The following CPQ variants were observed in gnomAD, a reference collection of about 807,000 sequenced individuals.
CPQ encodes the protein carboxypeptidase Q, also known as Ser-Met dipeptidase.
A neutral mutation model predicts 45.7 loss-of-function variants in CPQ; 37 were observed. The observed-to-expected ratio is 0.81, with a 90% CI of 0.62 to 1.07. The LOEUF (loss-of-function observed/expected upper bound fraction) is 1.07. CPQ is among the 50% of genes least tolerant of loss of function. CPQ has a pLI of 0.00. For synonymous variants in CPQ, 186 were observed against 205.8 expected, an observed-to-expected ratio of 0.90 and a Z score of 0.82; for missense variants, 537 against 572.9, an observed-to-expected ratio of 0.94 and a Z score of 0.64.
chr8:96,901,082 G>T (rs1812507602), intron 4 of CPQ, among the ~76,000 whole-genome samples: 1 of 152,126 alleles, frequency 6.6e-6, no homozygotes, highest in Admixed American at 6.6e-5. Flanking sequence ...CTCACAGAAG[G>T]CTCCAGTGTC....
intron 6 of CPQ, among the ~76,000 whole-genome samples, chr8:97,041,909 G>A (rs1314685326): frequency 6.6e-6 from 1 of 152,160 alleles, no homozygotes; most frequent in Non-Finnish European, 1.5e-5. Context: ...GAGGATTTTT[G>A]CATCAATGTT....
At chr8:96,962,292 G>GTAAC in intron 4 of CPQ, among the ~76,000 whole-genome samples, 1 of 152,296 alleles carries the variant, frequency 6.6e-6, no homozygotes. Flanking sequence ...TGTTTTCAGA[G>GTAAC]TAACTTTTTA....
intron 5 of CPQ, among the ~76,000 whole-genome samples, chr8:97,007,283 A>G (rs1809400326): frequency 1.3e-5 from 2 of 152,224 alleles, no homozygotes; most frequent in Non-Finnish European, 2.9e-5. Context: ...GTTTTAACAG[A>G]AGCTGTGCTT....
At chr8:96,776,177 A>G (rs993754301) in intron 1 of CPQ, among the ~76,000 whole-genome samples, 3 of 152,190 alleles carry the variant, frequency 2.0e-5, no homozygotes, top group Non-Finnish European at 2.9e-5. Flanking sequence ...AAAGGCAAAA[A>G]TCTTCCTTAA....
chr8:96,831,601 T>C (rs1448698930), intron 2 of CPQ, among the ~76,000 whole-genome samples: 4 of 152,198 alleles, frequency 2.6e-5, no homozygotes, highest in African/African-American at 9.6e-5. Context: ...TAAAATTTTC[T>C]AGGTGGTCTA....
chr8:96,680,452 T>A (rs1809134595), intron 1 of CPQ: 1 of 152,230 alleles, frequency 6.6e-6, no homozygotes, highest in Non-Finnish European at 1.5e-5. Flanking sequence ...GGAGTTTCCC[T>A]ACACAAGCTC....
At chr8:96,686,681 T>C (rs1466153391) in intron 1 of CPQ, among the ~76,000 whole-genome samples, 5 of 152,056 alleles carry the variant, frequency 3.3e-5, no homozygotes, top group Non-Finnish European at 7.4e-5. Context: ...CTTTTTATTG[T>C]GGATTTATAT....
intron 7 of CPQ, among the ~76,000 whole-genome samples, chr8:97,084,766 G>A (rs1480681721): frequency 6.6e-6 from 1 of 152,004 alleles, no homozygotes; most frequent in East Asian, 1.9e-4. Context: ...TTGTAAAGGA[G>A]CTAGTCATTC....
chr8:96,945,491 A>T (rs535502280), intron 4 of CPQ, among the ~76,000 whole-genome samples: 14 of 152,264 alleles, frequency 9.2e-5, no homozygotes. Flanking sequence ...ACTATATTTT[A>T]AAAATCTAAT....
chr8:96,665,212 G>C (rs924353426), intron 1 of CPQ, among the ~76,000 whole-genome samples: 1 of 152,082 alleles, frequency 6.6e-6, no homozygotes, highest in Non-Finnish European at 1.5e-5. Context: ...CAAAAGCAAG[G>C]GAGAAAAAGC....
intron 5 of CPQ, among the ~76,000 whole-genome samples, chr8:96,995,519 G>A (rs778347181): frequency 2.6e-5 from 4 of 151,900 alleles, no homozygotes; most frequent in Non-Finnish European, 5.9e-5. Flanking sequence ...AATTTAAGTG[G>A]GGGAAGTAAT....
intron 7 of CPQ, among the ~76,000 whole-genome samples, chr8:97,075,942 ATCATT>A (rs1171747668): frequency 5.9e-5 from 9 of 152,206 alleles, no homozygotes; most frequent in Non-Finnish European, 1.3e-4. Context: ...CCAAAATCAC[ATCATT>A]TCATTTATAA....
intron 4 of CPQ, among the ~76,000 whole-genome samples, chr8:96,935,973 A>T (rs1420779919): frequency 4.0e-5 from 6 of 151,798 alleles, no homozygotes; most frequent in African/African-American, 1.5e-4. Flanking sequence ...TGTATTGCTT[A>T]TCTTTCTCAT....
At chr8:97,052,815 T>A (rs1336851833) in intron 6 of CPQ, among the ~76,000 whole-genome samples, 1 of 152,146 alleles carries the variant, frequency 6.6e-6, no homozygotes, top group Non-Finnish European at 1.5e-5. Flanking sequence ...TATGGCCACT[T>A]CTTAAAAAAT....
In CPQ at chr8:96,886,004, A is replaced by G. The variant is rs141301281; in HGVS notation, c.849+5999A>G. ...AGAAAAAAAAAAGCCAATAATGAAA[A>G]TACTTTATTGGGTTTCACTTTGTGA... On this transcript the variant is annotated intron_variant, in intron 4 of 7. Transcript: ENST00000220763. Among the ~76,000 whole-genome samples, 145 of 152,224 alleles carry G rather than the reference A, an allele frequency of 9.5e-4. 1 individual carries two copies. The highest frequency in any genetic ancestry group is 3.3e-3 in the African/African-American group (138 of 41,518).
intron 1 of CPQ, among the ~76,000 whole-genome samples, chr8:96,784,661 G>A (rs984484065): frequency 2.4e-4 from 36 of 152,006 alleles, no homozygotes; most frequent in Admixed American, 1.8e-3. Flanking sequence ...TAGGTAACAC[G>A]TGATTCTACA....
At chr8:96,855,567 T>C (rs1185240418) in intron 3 of CPQ, among the ~76,000 whole-genome samples, 1 of 152,226 alleles carries the variant, frequency 6.6e-6, no homozygotes, top group Non-Finnish European at 1.5e-5. Flanking sequence ...GCCTTTCTGA[T>C]ACATTGTCTA....
In CPQ at chr8:96,880,004, A is replaced by T; in HGVS notation, c.848A>T (p.Gln283Leu). The part of the protein sequence containing the change: ...AEITGSKYPE[Q>L]VVLVSGHLDS... ...ATCACTGGGAGCAAATATCCAGAAC[A>T]GGTGAGTGAAGGAGAAGGCTGGCCT... Residue 283 changes from glutamine (Q) to leucine (L), a missense_variant and splice_region_variant, in exon 4 of 8, where the codon CAG (glutamine) becomes CTG (leucine). Gln to Leu is a moderately radical substitution (Grantham distance 113). Transcript: ENST00000220763. 6.2e-7 allele frequency: 1 copy of T among 1,611,814 alleles called. No individual in the cohort carries two copies. Among genetic ancestry groups the T allele is most frequent in the Non-Finnish European group, 8.5e-7 (1 of 1,177,956 alleles).
intron 2 of CPQ, among the ~76,000 whole-genome samples, chr8:96,793,800 T>C (rs1810885543): frequency 6.6e-6 from 1 of 152,172 alleles, no homozygotes; most frequent in South Asian, 2.1e-4. Flanking sequence ...CAGCCATTCC[T>C]TGTGGGAGAA....
Sources: gnomAD v4.1 joint callset for allele counts (sites outside exome capture counted in the v4.1 genomes callset) on GRCh38, gnomAD v4.1.1 for gene constraint, MANE v1.5 for transcripts, NCBI Gene and HGNC (gene_info 2026-07-23, HGNC 2026-07-21) for gene names.